SV2C: variants seen among roughly 807,000 people sequenced by gnomAD.
The protein encoded by SV2C is synaptic vesicle glycoprotein 2C.
SV2C carries 49 observed loss-of-function variants against 79.7 expected under a neutral mutation model. That is an observed-to-expected ratio of 0.61 (90% CI 0.49 to 0.78). The LOEUF (loss-of-function observed/expected upper bound fraction) is 0.78, where lower values mean the gene tolerates loss of function less well. Among genes scored for constraint, SV2C ranks in the 30% least tolerant of loss-of-function variants. The pLI, the probability that SV2C is intolerant of heterozygous loss-of-function variation, is 0.00. For missense variants in SV2C, 833 were observed against 912.9 expected, an observed-to-expected ratio of 0.91 and a Z score of 1.13; for synonymous variants, 334 against 333.2, an observed-to-expected ratio of 1.00 and a Z score of -0.03.
chr5:76,152,810 G>A (rs535064931), intron 2 of SV2C, among the ~76,000 whole-genome samples: 32 of 152,286 alleles, frequency 2.1e-4, no homozygotes, highest in Non-Finnish European at 4.0e-4. Flanking sequence ...GCACACTACC[G>A]TTATAAGGTA....
chr5:76,189,264 G>C lies in SV2C; in HGVS notation c.581-5655G>C, dbSNP rs538350994. 2.5e-4 allele frequency among the ~76,000 whole-genome samples: 38 copies of C among 152,060 alleles called. No individual in the cohort carries two copies. In the South Asian group the frequency reaches 6.0e-3, roughly 24 times the overall value. Reference sequence around the variant, plus strand: ...AGACGGAGCTTACACTGATGTGTAAGCTTTCACAGCTGCTGCCCTGTTGTC... The same window carrying C: ...AGACGGAGCTTACACTGATGTGTAACCTTTCACAGCTGCTGCCCTGTTGTC... On this transcript the variant is annotated intron_variant, in intron 2 of 12. Coordinates refer to ENST00000502798, the MANE Select transcript of SV2C (RefSeq NM_014979.4).
At position 76,351,447 on chromosome 5, in the gene SV2C, C is replaced by CA. The variant is rs879307791; in HGVS notation, c.2001-1669dup. Among the ~76,000 whole-genome samples the CA allele has an allele frequency of 2.4e-3, 326 of 136,034 alleles. 1 individual carries two copies. Among genetic ancestry groups the CA allele is most frequent in the South Asian group, 0.018 (75 of 4,220 alleles). 89.2% of individuals were successfully genotyped at this position (136,034 alleles called of 152,430 possible). A position where few individuals can be genotyped will look rare whatever the true frequency, so the allele number is the denominator to read the frequency against. ...TGGATGACAGAGTGAGATCCAGTCTCAAAAAAAAAAAAAATAGTCTCAATG... is the reference window on the plus strand; with the variant it reads ...TGGATGACAGAGTGAGATCCAGTCTCAAAAAAAAAAAAAAATAGTCTCAATG... On this transcript the variant is annotated intron_variant, in intron 12 of 12. Coordinates refer to the SV2C transcript ENST00000322285.
At chr5:76,305,582 C>G (rs1033611100) in intron 12 of SV2C, among the ~76,000 whole-genome samples, 1 of 152,302 alleles carries the variant, frequency 6.6e-6, no homozygotes, top group East Asian at 1.9e-4. Flanking sequence ...TTTGCCCCCT[C>G]TTATGCCCAT....
At chr5:75,964,618 C>T in the SV2C span, among the ~76,000 whole-genome samples, 30 of 152,014 alleles carry the variant, frequency 2.0e-4, no homozygotes, top group Non-Finnish European at 2.9e-5. Context: ...CTGGGCATCC[C>T]CCTCCATCAA....
At chr5:75,992,170 T>A in the SV2C span, among the ~76,000 whole-genome samples, 1 of 151,990 alleles carries the variant, frequency 6.6e-6, no homozygotes, top group Non-Finnish European at 1.5e-5. Flanking sequence ...TCCAATTTAT[T>A]TGGGCAAGCT....
the SV2C span, among the ~76,000 whole-genome samples, chr5:76,003,774 G>A: frequency 6.6e-6 from 1 of 152,086 alleles, no homozygotes; most frequent in Non-Finnish European, 1.5e-5. Context: ...TTTGGGTTAG[G>A]AGGTTTTGGC....
At chr5:76,008,282 C>A in the SV2C span, among the ~76,000 whole-genome samples, 2 of 152,098 alleles carry the variant, frequency 1.3e-5, no homozygotes, top group African/African-American at 4.8e-5. Context: ...AGCAGGGGAG[C>A]CTGTGAAATT....
chr5:76,235,059 C>T (rs557287776), intron 4 of SV2C, among the ~76,000 whole-genome samples: 2 of 152,026 alleles, frequency 1.3e-5, no homozygotes, highest in Admixed American at 6.5e-5. Flanking sequence ...TTCCACTTTT[C>T]CTATCGTAAT....
the SV2C span, among the ~76,000 whole-genome samples, chr5:75,875,410 C>T: frequency 6.6e-6 from 1 of 152,118 alleles, no homozygotes; most frequent in Admixed American, 6.6e-5. Context: ...CCCTTTCTTA[C>T]ACTATACACA....
At chr5:76,268,849 G>T (rs1746751414) in intron 4 of SV2C, among the ~76,000 whole-genome samples, 1 of 152,082 alleles carries the variant, frequency 6.6e-6, no homozygotes. Context: ...AACCCCTATA[G>T]TTTAACTTTA....
the SV2C span, among the ~76,000 whole-genome samples, chr5:76,054,762 TTA>T: frequency 1.1e-4 from 17 of 152,240 alleles, no homozygotes; most frequent in African/African-American, 4.1e-4. Flanking sequence ...GAGCTTTTTT[TTA>T]TATGTTTGTT....
intron 4 of SV2C, among the ~76,000 whole-genome samples, chr5:76,284,236 T>G (rs1580021696): frequency 6.6e-6 from 1 of 152,086 alleles, no homozygotes; most frequent in East Asian, 1.9e-4. Context: ...CTTGAAAGGA[T>G]TTCTGTTTAT....
At chr5:75,967,954 G>C in the SV2C span, among the ~76,000 whole-genome samples, 9 of 152,124 alleles carry the variant, frequency 5.9e-5, no homozygotes, top group Non-Finnish European at 1.3e-4. Context: ...ACACGGCCAG[G>C]TACTCCTCTG....
intron 4 of SV2C, among the ~76,000 whole-genome samples, chr5:76,272,385 A>G (rs921788787): frequency 2.0e-5 from 3 of 152,250 alleles, no homozygotes; most frequent in Non-Finnish European, 4.4e-5. Flanking sequence ...TCCTGGGGCC[A>G]TGTGCAAACA....
At chr5:75,856,101 T>C in the SV2C span, among the ~76,000 whole-genome samples, 1 of 152,238 alleles carries the variant, frequency 6.6e-6, no homozygotes, top group Admixed American at 6.5e-5. Context: ...GTTCCATCCA[T>C]GTTGTTGCAA....
At chr5:76,018,332 TA>T in the SV2C span, among the ~76,000 whole-genome samples, 1 of 152,158 alleles carries the variant, frequency 6.6e-6, no homozygotes. Flanking sequence ...ATCTCTTTCC[TA>T]AAAAGTTAAG....
the SV2C span, among the ~76,000 whole-genome samples, chr5:75,865,534 C>T: frequency 2.0e-5 from 3 of 152,148 alleles, no homozygotes; most frequent in East Asian, 3.9e-4. Flanking sequence ...AAGAATCTTC[C>T]CCATGGAAGA....
the SV2C span, among the ~76,000 whole-genome samples, chr5:75,948,078 G>T: frequency 2.0e-5 from 3 of 151,916 alleles, no homozygotes; most frequent in Middle Eastern, 3.4e-3. Flanking sequence ...TAGATAAAAT[G>T]GCCTTATCCT....
At position 76,192,723 on chromosome 5, in the gene SV2C, G is replaced by C. The variant is rs535486933; in HGVS notation, c.581-2196G>C. Among the ~76,000 whole-genome samples, 186 of 152,322 alleles carry C rather than the reference G, an allele frequency of 1.2e-3. 1 individual carries two copies. The highest frequency in any genetic ancestry group is 2.0e-3 in the Admixed American group (31 of 15,304). On this transcript the variant is annotated intron_variant, in intron 2 of 12. Transcript: ENST00000502798. ...GTGCTGTGTTTGTCTCCAATAAGCT[G>C]TTGGGTAGGATTAATTCTTTCCACA...
Sources: allele counts gnomAD v4.1 joint callset (sites outside exome capture counted in the v4.1 genomes callset), GRCh38; gene constraint gnomAD v4.1.1; transcripts MANE v1.5; gene names NCBI Gene and HGNC (gene_info 2026-07-23, HGNC 2026-07-21).